MCF2L: variants seen among roughly 807,000 people sequenced by gnomAD.
MCF2L encodes the protein guanine nucleotide exchange factor DBS.
In MCF2L, 97 loss-of-function variants were observed where a neutral mutation model predicts 153.4. That is an observed-to-expected ratio of 0.63 (90% CI 0.54 to 0.75). The LOEUF is 0.75. Among genes scored for constraint, MCF2L ranks in the 30% least tolerant of loss-of-function variants. The pLI is 0.00. For missense variants in MCF2L, 1,347 were observed against 1,495.2 expected (o/e 0.90, Z 1.64); for synonymous variants, 659 against 632.2 (o/e 1.04, Z -0.64).
chr13:113,034,698 A>G (rs570832587), intron 3 of MCF2L, among the ~76,000 whole-genome samples: 36 of 150,536 alleles, frequency 2.4e-4, no homozygotes, highest in Middle Eastern at 3.4e-3. Context: ...CCCTGGTCTC[A>G]CCCGCGCCCT....
At chr13:112,913,066 G>T (rs933544414) in intron 2 of MCF2L, among the ~76,000 whole-genome samples, 2 of 150,880 alleles carry the variant, frequency 1.3e-5, no homozygotes, top group Non-Finnish European at 2.9e-5. Flanking sequence ...TGTATATGGG[G>T]TGTGTCTGTG....
chr13:113,069,598 C>T (rs1481259368), intron 8 of MCF2L, among the ~76,000 whole-genome samples: 7 of 144,884 alleles, frequency 4.8e-5, no homozygotes, highest in Admixed American at 6.9e-5. Flanking sequence ...AGGCAGAGGT[C>T]GCAGTGAGCC....
In MCF2L at chr13:112,932,185, A is replaced by G. The variant is rs1388780021; in HGVS notation, c.169+29814A>G. On this transcript the variant is annotated intron_variant, in intron 2 of 29. Transcript: ENST00000375608. The surrounding 1 kb of genome is among the most constrained non-coding windows in gnomAD (Gnocchi z 4.6). ...CGACCTGAGCCAGGCAATCGAGGTC[A>G]GCACCGATGGCGACCAGGCGTGTAG... is the stretch of plus-strand genomic sequence containing the variant. Among the ~76,000 whole-genome samples the G allele has an allele frequency of 2.0e-5, 3 of 152,174 alleles. No homozygotes were observed. The highest frequency in any genetic ancestry group is 4.4e-5 in the Non-Finnish European group (3 of 68,026).
At chr13:113,009,445 A>G (rs1051467756) in intron 1 of MCF2L, 17 of 152,396 alleles carry the variant, frequency 1.1e-4, no homozygotes, top group African/African-American at 3.8e-4. Flanking sequence ...AATTCTGCCA[A>G]CCAAGTCAGG....
intron 27 of MCF2L, chr13:113,094,963 T>G (rs772847885): frequency 2.2e-6 from 3 of 1,383,880 alleles, no homozygotes; most frequent in African/African-American, 2.9e-5. Context: ...CTGGGTTAAT[T>G]TCCAGGTGCC....
At chr13:113,005,942 A>G (rs935170544) in intron 1 of MCF2L, among the ~76,000 whole-genome samples, 9 of 152,218 alleles carry the variant, frequency 5.9e-5, no homozygotes, top group African/African-American at 2.2e-4. Flanking sequence ...CGTTCACAAC[A>G]CCCTGCACAG....
At chr13:113,091,294 C>G (rs1258067413) in intron 26 of MCF2L, 1 of 1,051,426 alleles carries the variant, frequency 9.5e-7, no homozygotes, top group Admixed American at 2.6e-5. Context: ...AAGGGGGATG[C>G]TCTCGTGGGT....
At chr13:112,984,801 G>A (rs1186562455) in intron 1 of MCF2L, among the ~76,000 whole-genome samples, 1 of 152,178 alleles carries the variant, frequency 6.6e-6, no homozygotes, top group South Asian at 2.1e-4. Flanking sequence ...GCTGGAAGGG[G>A]AGAGGGCGTC....
In MCF2L at chr13:113,031,294, AAG is replaced by A. The variant is rs1218499980; in HGVS notation, c.278+6541_278+6542del. Among the ~76,000 whole-genome samples, 2 of 152,080 alleles carry A rather than the reference AAG, an allele frequency of 1.3e-5. No individual in the cohort carries two copies. The highest frequency in any genetic ancestry group is 2.9e-5 in the Non-Finnish European group (2 of 68,010). Reference sequence around the variant, plus strand: ...ACAGAGACACGGAGACACAGAGATAAAGAGAGCACGAGGGAGGCAGAGGGCAG... The same window carrying A: ...ACAGAGACACGGAGACACAGAGATAAAGAGCACGAGGGAGGCAGAGGGCAG... On this transcript the variant is annotated intron_variant, in intron 3 of 29. Coordinates refer to ENST00000535094, the MANE Select transcript of MCF2L (RefSeq NM_001112732.3). This position sits in a 1 kb window ranked among gnomAD's most constrained non-coding sequence, Gnocchi z 5.5.
chr13:112,902,315 T>C, exon 2 of MCF2L: 2 of 1,612,942 alleles, frequency 1.2e-6, no homozygotes, highest in Non-Finnish European at 1.7e-6. Flanking sequence ...CAAATTGATG[T>C]GTCTGACGTC....
chr13:112,931,906 A>G (rs1339396529), intron 2 of MCF2L, among the ~76,000 whole-genome samples: 1 of 152,236 alleles, frequency 6.6e-6, no homozygotes, highest in Non-Finnish European at 1.5e-5. Flanking sequence ...GCGTTGTATT[A>G]TAACCCCAAG....
intron 2 of MCF2L, among the ~76,000 whole-genome samples, chr13:112,930,081 G>A (rs1182772182): frequency 2.6e-5 from 4 of 152,324 alleles, no homozygotes; most frequent in African/African-American, 9.6e-5. Context: ...AGGACACAGG[G>A]CATGGGGAGC....
At chr13:112,968,813 G>T, upstream of MCF2L, 1 of 1,327,844 alleles carries the variant, frequency 7.5e-7, no homozygotes, top group South Asian at 1.8e-5. Context: ...GGAGGGCGTG[G>T]AGACCCGGAA....
In MCF2L at chr13:112,983,766, C is replaced by T. The variant is rs1026328914; in HGVS notation, c.79+14308C>T. ...CTCCTGGGCCTTCCCTTCTGCCTGG[C>T]TTCCTCCTCCTCCACCCGTCCACCT... On this transcript the variant is annotated intron_variant, in intron 1 of 29. Coordinates refer to ENST00000535094, the MANE Select transcript of MCF2L (RefSeq NM_001112732.3). This position sits in a 1 kb window ranked among gnomAD's most constrained non-coding sequence, Gnocchi z 4.0. Among the ~76,000 whole-genome samples the T allele has an allele frequency of 1.3e-5, 2 of 152,222 alleles. No homozygotes were observed. Among genetic ancestry groups the T allele is most frequent in the Non-Finnish European group, 2.9e-5 (2 of 68,034 alleles).
At chr13:113,082,376 C>G (rs752038278) in intron 16 of MCF2L, 51 bp from the exon 17 acceptor site, 9 of 1,099,196 alleles carry the variant, frequency 8.2e-6, no homozygotes, top group Admixed American at 1.7e-5. Context: ...CACCTGCCCC[C>G]CCACAGCATC....
intron 21 of MCF2L, 47 bp from the exon 22 acceptor site, chr13:113,087,188 C>T (rs959451339): frequency 1.3e-6 from 2 of 1,528,636 alleles, no homozygotes; most frequent in Admixed American, 1.7e-5. Flanking sequence ...CGTCCATGGC[C>T]CCAGGCCCAT....
Position 112,951,847 on chromosome 13 carries a change from A to G in MCF2L, c.169+49476A>G, listed in dbSNP as rs940091096. ...AGACCTCTGTTTACTGTTTCTCACA[A>G]CTGCATGTGAACCTACAGTTATCTA... is the stretch of plus-strand genomic sequence containing the variant. On this transcript the variant is annotated intron_variant, in intron 2 of 29. Transcript: ENST00000375608. This position sits in a 1 kb window ranked among gnomAD's most constrained non-coding sequence, Gnocchi z 4.8. Among the ~76,000 whole-genome samples, 3 of 152,240 alleles carry G rather than the reference A, an allele frequency of 2.0e-5. No homozygotes were observed. Among genetic ancestry groups the G allele is most frequent in the Non-Finnish European group, 4.4e-5 (3 of 68,048 alleles).
At chr13:113,096,162 A>G (rs955587783) in intron 27 of MCF2L, 1 of 596,948 alleles carries the variant, frequency 1.7e-6, no homozygotes. Context: ...GCCCAAAGAC[A>G]GATTCACAGA....
chr13:112,954,154 A>T (rs952310256), intron 2 of MCF2L, among the ~76,000 whole-genome samples: 3 of 151,992 alleles, frequency 2.0e-5, no homozygotes, highest in Non-Finnish European at 4.4e-5. Context: ...AGGAGAGGGG[A>T]GGTGGCCTGG....
Sources: gnomAD v4.1 joint callset for allele counts (sites outside exome capture counted in the v4.1 genomes callset) on GRCh38, gnomAD v4.1.1 for gene constraint, Gnocchi (gnomAD v3.1) non-coding constraint, MANE v1.5 for transcripts, NCBI Gene and HGNC (gene_info 2026-07-23, HGNC 2026-07-21) for gene names.